The following EXOC6B variants were observed in gnomAD, a reference collection of about 807,000 sequenced individuals.
The protein encoded by EXOC6B is SEC15 homolog B.
EXOC6B carries 54 observed loss-of-function variants against 113.5 expected under a neutral mutation model. The observed-to-expected ratio is 0.48, with a 90% confidence interval of 0.38 to 0.60. The LOEUF (loss-of-function observed/expected upper bound fraction) is 0.60, where lower values mean the gene tolerates loss of function less well. EXOC6B is among the 20% of genes least tolerant of loss of function. EXOC6B has a pLI of 0.00. For missense variants in EXOC6B, 797 were observed against 977.5 expected, an observed-to-expected ratio of 0.82 and a Z score of 2.46; for synonymous variants, 357 against 339.0, an observed-to-expected ratio of 1.05 and a Z score of -0.58.
Position 72,421,645 on chromosome 2 carries a change from C to T in EXOC6B, c.1981-41775G>A, listed in dbSNP as rs184262318. On this transcript the variant is annotated intron_variant, in intron 18 of 21. Coordinates refer to ENST00000272427, the MANE Select transcript of EXOC6B (RefSeq NM_015189.3). ...AAATGTTCTAATATTTTTGTTGCTA[C>T]TGAGAGGTGACAGCGTGCTGGCAGT... Among the ~76,000 whole-genome samples the T allele has an allele frequency of 2.9e-3, 442 of 152,368 alleles. 1 individual carries two copies. The highest frequency in any genetic ancestry group is 0.01 in the African/African-American group (419 of 41,588).
intron 8 of EXOC6B, among the ~76,000 whole-genome samples, chr2:72,537,434 CCT>C (rs1479293975): frequency 1.3e-5 from 2 of 150,870 alleles, no homozygotes; most frequent in African/African-American, 2.4e-5. Context: ...TGGCAAAACC[CCT>C]GTCTCTACAA....
At chr2:72,386,311 C>G (rs1012932525) in intron 18 of EXOC6B, among the ~76,000 whole-genome samples, 5 of 151,976 alleles carry the variant, frequency 3.3e-5, no homozygotes, top group African/African-American at 1.2e-4. Flanking sequence ...TAGAAAAGAA[C>G]AGCCCATTTT....
At chr2:72,515,259 G>T (rs1467225832) in intron 8 of EXOC6B, 133 bp from the exon 9 acceptor site, 3 of 929,996 alleles carry the variant, frequency 3.2e-6, no homozygotes, top group East Asian at 5.3e-5. Flanking sequence ...TTTTAACATT[G>T]ATGATAACAA....
intron 18 of EXOC6B, among the ~76,000 whole-genome samples, chr2:72,429,090 AC>A: frequency 6.6e-6 from 1 of 152,214 alleles, no homozygotes; most frequent in East Asian, 1.9e-4. Context: ...AATTATCTTT[AC>A]CTTTCATTTG....
chr2:72,314,658 G>C (rs771107291), intron 20 of EXOC6B, among the ~76,000 whole-genome samples: 16 of 152,150 alleles, frequency 1.1e-4, no homozygotes, highest in Admixed American at 6.5e-5. Flanking sequence ...CTACTTCATA[G>C]AAAGGTATGG....
At chr2:72,458,533 C>A (rs985967538) in intron 18 of EXOC6B, among the ~76,000 whole-genome samples, 1 of 152,076 alleles carries the variant, frequency 6.6e-6, no homozygotes, top group Non-Finnish European at 1.5e-5. Context: ...ATATTGAGGA[C>A]TTAAGCCTGT....
chr2:72,378,466 C>G (rs1395201964), intron 19 of EXOC6B, among the ~76,000 whole-genome samples: 1 of 152,172 alleles, frequency 6.6e-6, no homozygotes, highest in East Asian at 1.9e-4. Context: ...ATGTGTTTCC[C>G]CTTCTTTGAA....
rs901495307 is a variant in EXOC6B, at chr2:72,405,116, G to GATGAAATGA, written c.1981-25255_1981-25247dup. On this transcript the variant is annotated intron_variant, in intron 18 of 21. Transcript: ENST00000272427. ...GGAAGAAAGGGTATCAGTGATGGAA[G>GATGAAATGA]ATGAAATGAATGAAATGAAGTGAGA... Among the ~76,000 whole-genome samples the GATGAAATGA allele has an allele frequency of 9.2e-5, 14 of 152,344 alleles. No individual in the cohort carries two copies. In the South Asian group the frequency reaches 2.9e-3, roughly 32 times the overall value.
Position 72,513,061 on chromosome 2 carries a change from T to C in EXOC6B, c.1167+71A>G, listed in dbSNP as rs553890023. 30 of 1,549,446 alleles carry C rather than the reference T, an allele frequency of 1.9e-5. No homozygotes were observed. The South Asian group carries it at 3.6e-4, about 18-fold the overall frequency. ...TCCAAAGACATACATATGTTGATTT[T>C]AAAGCAGTAAAACACTGAATATATA... On this transcript the variant is annotated intron_variant, in intron 11 of 21. Coordinates refer to ENST00000272427, the MANE Select transcript of EXOC6B (RefSeq NM_015189.3).
At chr2:72,270,606 G>T (rs116421751) in intron 20 of EXOC6B, among the ~76,000 whole-genome samples, 3,114 of 152,154 alleles carry the variant, frequency 0.02, 47 homozygotes, top group Middle Eastern at 0.061. Context: ...ATCTGTTGAA[G>T]ACATAATAAA....
intron 6 of EXOC6B, 99 bp downstream of exon 6, chr2:72,718,004 T>C (rs1476542583): frequency 1.2e-6 from 1 of 818,618 alleles, no homozygotes; most frequent in African/African-American, 1.7e-5. Context: ...GATAAGAAAC[T>C]TGGATAAGAT....
chr2:72,422,577 G>A (rs1008853036), intron 18 of EXOC6B, among the ~76,000 whole-genome samples: 1 of 151,684 alleles, frequency 6.6e-6, no homozygotes, highest in Non-Finnish European at 1.5e-5. Context: ...CTCAGGGATT[G>A]TAAATACACC....
intron 18 of EXOC6B, among the ~76,000 whole-genome samples, chr2:72,461,012 A>G (rs370924077): frequency 2.6e-5 from 4 of 151,762 alleles, no homozygotes; most frequent in East Asian, 1.9e-4. Flanking sequence ...TATACACCAT[A>G]GAATACTATG....
At chr2:72,239,271 A>T (rs983879444) in intron 20 of EXOC6B, among the ~76,000 whole-genome samples, 3 of 152,194 alleles carry the variant, frequency 2.0e-5, no homozygotes, top group African/African-American at 7.2e-5. Context: ...ACTCAAGGTC[A>T]GAAGATTTAC....
intron 7 of EXOC6B, among the ~76,000 whole-genome samples, chr2:72,565,169 G>A (rs907141914): frequency 1.3e-5 from 2 of 151,876 alleles, no homozygotes; most frequent in Non-Finnish European, 2.9e-5. Flanking sequence ...TGTGCAACAT[G>A]ACGAAACCCA....
intron 20 of EXOC6B, among the ~76,000 whole-genome samples, chr2:72,233,401 G>A (rs1681753716): frequency 6.6e-6 from 1 of 152,148 alleles, no homozygotes; most frequent in East Asian, 1.9e-4. Context: ...CTGGGCCCCA[G>A]CCTGTCTGGG....
chr2:72,341,855 T>C (rs1689048926), intron 19 of EXOC6B, among the ~76,000 whole-genome samples: 1 of 152,088 alleles, frequency 6.6e-6, no homozygotes, highest in Non-Finnish European at 1.5e-5. Flanking sequence ...ACAAAACATG[T>C]CTTAACAAAT....
intron 18 of EXOC6B, among the ~76,000 whole-genome samples, chr2:72,404,197 G>C (rs1693559381): frequency 6.6e-6 from 1 of 152,188 alleles, no homozygotes; most frequent in Non-Finnish European, 1.5e-5. Flanking sequence ...TGAGTAGGTA[G>C]ACAAAGCAGC....
chr2:72,565,349 TAAAAAAA>T (rs10672375), intron 7 of EXOC6B, among the ~76,000 whole-genome samples: 121 of 45,150 alleles, frequency 2.7e-3, no homozygotes, highest in African/African-American at 0.012. Context: ...AGACCCTGTC[TAAAAAAA>T]AAAAAAAAAA....
Sources: gnomAD v4.1 joint callset for allele counts (sites outside exome capture counted in the v4.1 genomes callset) on GRCh38, gnomAD v4.1.1 for gene constraint, MANE v1.5 for transcripts, NCBI Gene and HGNC (gene_info 2026-07-23, HGNC 2026-07-21) for gene names.